Variants in CPNE8 observed in about 807,000 individuals in gnomAD.
CPNE8 encodes the protein copine 8, also known as copine-8.
Under a neutral mutation model 81.5 loss-of-function variants are expected in CPNE8, and 45 were observed. The observed-to-expected ratio is 0.55, with a 90% CI of 0.44 to 0.71. The LOEUF (loss-of-function observed/expected upper bound fraction) is 0.71, where lower values mean the gene tolerates loss of function less well. Among genes scored for constraint, CPNE8 ranks in the 30% least tolerant of loss-of-function variants. The probability of loss-of-function intolerance (pLI) is 0.00; values close to 1 mark genes in which losing one functional copy is unlikely to be tolerated. For synonymous variants in CPNE8, 252 were observed against 226.3 expected, an observed-to-expected ratio of 1.11 and a Z score of -1.02; for missense variants, 594 against 672.1, an observed-to-expected ratio of 0.88 and a Z score of 1.28.
chr12:38,698,681 T>C (rs944791710), intron 14 of CPNE8, among the ~76,000 whole-genome samples: 1 of 152,216 alleles, frequency 6.6e-6, no homozygotes, highest in Admixed American at 6.5e-5. Context: ...TGTTTTGGTA[T>C]TCTTCTTGAA....
intron 4 of CPNE8, among the ~76,000 whole-genome samples, chr12:38,841,355 A>C (rs1943465606): frequency 6.6e-6 from 1 of 152,166 alleles, no homozygotes; most frequent in Admixed American, 6.5e-5. Context: ...AATATTATGA[A>C]TCTCATCAAC....
chr12:38,701,401 C>A (rs1477284748), intron 14 of CPNE8, among the ~76,000 whole-genome samples: 1 of 152,046 alleles, frequency 6.6e-6, no homozygotes, highest in African/African-American at 2.4e-5. Context: ...TCTTGCTTAT[C>A]TTAGTTGTTG....
chr12:38,807,440 T>G (rs1285356665), intron 6 of CPNE8, among the ~76,000 whole-genome samples: 1 of 151,806 alleles, frequency 6.6e-6, no homozygotes, highest in Admixed American at 6.6e-5. Flanking sequence ...CCCTCAGAAA[T>G]AACACTGCAT....
At chr12:38,680,689 A>G (rs1939390279) in intron 16 of CPNE8, among the ~76,000 whole-genome samples, 1 of 152,048 alleles carries the variant, frequency 6.6e-6, no homozygotes. Context: ...GAAGATGAAT[A>G]GATAATCCAT....
chr12:38,883,377 C>T (rs1205415722), intron 1 of CPNE8, among the ~76,000 whole-genome samples: 1 of 151,876 alleles, frequency 6.6e-6, no homozygotes, highest in Non-Finnish European at 1.5e-5. Flanking sequence ...AGAGACTCTA[C>T]AGAGAAAGAT....
rs1166996215 is a variant in CPNE8 at position 38,902,417 on chromosome 12, A to AAGAG, written c.98+3019_98+3020insCTCT. On this transcript the variant is annotated intron_variant, in intron 1 of 19. Coordinates refer to ENST00000331366, the MANE Select transcript of CPNE8 (RefSeq NM_153634.3). ...AGAGAAAGAAAGAAAGAAAGAAAGA[A>AAGAG]AAAGAAAGAAAGAAAGAAAGGAGAG... Among the ~76,000 whole-genome samples, 95 of 72,030 alleles carry AAGAG rather than the reference A, an allele frequency of 1.3e-3. 4 individuals are homozygous for AAGAG. Among genetic ancestry groups the AAGAG allele is most frequent in the African/African-American group, 3.0e-3 (44 of 14,530 alleles). The allele number at this position is 72,030 out of a possible 152,430, so 47.3% of individuals were successfully genotyped here. A position where few individuals can be genotyped will look rare whatever the true frequency, so the allele number is the denominator to read the frequency against.
chr12:38,701,512 T>C (rs1480946526), intron 14 of CPNE8, among the ~76,000 whole-genome samples: 2 of 152,190 alleles, frequency 1.3e-5, no homozygotes, highest in East Asian at 3.9e-4. Flanking sequence ...TGTTTTGTTT[T>C]TGAGATGGAG....
chr12:38,794,416 A>G (rs563901542), intron 6 of CPNE8, among the ~76,000 whole-genome samples: 2 of 152,298 alleles, frequency 1.3e-5, no homozygotes, highest in East Asian at 1.9e-4. Context: ...CCAAATAAGT[A>G]TATATCCAAT....
At chr12:38,744,575 C>G (rs955663940) in intron 10 of CPNE8, among the ~76,000 whole-genome samples, 1 of 152,116 alleles carries the variant, frequency 6.6e-6, no homozygotes, top group African/African-American at 2.4e-5. Context: ...CCATAGATGT[C>G]ATCTCTTTAA....
At chr12:38,828,242 T>C (rs1340742465) in intron 6 of CPNE8, among the ~76,000 whole-genome samples, 1 of 152,160 alleles carries the variant, frequency 6.6e-6, no homozygotes, top group East Asian at 1.9e-4. Flanking sequence ...AATAAAATAT[T>C]TGCATCTGCC....
chr12:38,722,079 G>T (rs756627766), intron 13 of CPNE8, among the ~76,000 whole-genome samples: 9 of 152,180 alleles, frequency 5.9e-5, no homozygotes, highest in Non-Finnish European at 1.2e-4. Context: ...AGCAAACTCA[G>T]GAAAAGGTGC....
intron 1 of CPNE8, among the ~76,000 whole-genome samples, chr12:38,891,377 T>A (rs1944312258): frequency 6.6e-6 from 1 of 152,190 alleles, no homozygotes; most frequent in Non-Finnish European, 1.5e-5. Context: ...AAACAAAGAT[T>A]AAATAATTAT....
intron 4 of CPNE8, among the ~76,000 whole-genome samples, chr12:38,847,239 A>G (rs1260477655): frequency 6.6e-6 from 1 of 152,140 alleles, no homozygotes; most frequent in Non-Finnish European, 1.5e-5. Context: ...AAAAGAAAGG[A>G]AAAAACAAAG....
At chr12:38,736,868 G>T (rs986673792) in intron 10 of CPNE8, among the ~76,000 whole-genome samples, 9 of 152,110 alleles carry the variant, frequency 5.9e-5, no homozygotes, top group African/African-American at 2.2e-4. Flanking sequence ...ATCCAGTTAT[G>T]ACCTTGGATA....
chr12:38,712,134 T>C (rs1171542058), intron 13 of CPNE8, among the ~76,000 whole-genome samples: 1 of 152,024 alleles, frequency 6.6e-6, no homozygotes, highest in Admixed American at 6.6e-5. Flanking sequence ...AAAAAAACTT[T>C]ATAGTGTTGC....
chr12:38,765,526 A>T (rs763139897), intron 8 of CPNE8, among the ~76,000 whole-genome samples: 2 of 152,188 alleles, frequency 1.3e-5, no homozygotes, highest in Non-Finnish European at 2.9e-5. Flanking sequence ...AGCCACAAAT[A>T]CACTAGGTAT....
chr12:38,722,810 CCCT>C (rs1359116842), intron 13 of CPNE8, among the ~76,000 whole-genome samples: 1 of 152,070 alleles, frequency 6.6e-6, no homozygotes, highest in Non-Finnish European at 1.5e-5. Flanking sequence ...CCCACAATCC[CCCT>C]GTGTCGAGGG....
intron 6 of CPNE8, 140 bp downstream of exon 6, chr12:38,829,239 A>T (rs766800058): frequency 3.2e-6 from 2 of 618,120 alleles, no homozygotes; most frequent in Non-Finnish European, 5.9e-6. Flanking sequence ...AATATGTCAA[A>T]ATTATTTGTT....
chr12:38,867,325 TGTGTGTGTGTGTGTGA>T (rs1168333029), intron 3 of CPNE8, among the ~76,000 whole-genome samples: 6 of 143,736 alleles, frequency 4.2e-5, no homozygotes, highest in African/African-American at 1.6e-4. Flanking sequence ...TGTGTGTGTG[TGTGTGTGTGTGTGTGA>T]GAGAGAGAGA....
Sources: gnomAD v4.1 joint callset for allele counts (sites outside exome capture counted in the v4.1 genomes callset) on GRCh38, gnomAD v4.1.1 for gene constraint, MANE v1.5 for transcripts, NCBI Gene and HGNC (gene_info 2026-07-23, HGNC 2026-07-21) for gene names.